The following ZSCAN5A variants were observed in gnomAD, a reference collection of about 807,000 sequenced individuals.
The protein encoded by ZSCAN5A is zinc finger and SCAN domain containing 5A, also known as zinc finger and SCAN domain-containing protein 5A.
Under a neutral mutation model 23.7 loss-of-function variants are expected in ZSCAN5A, and 12 were observed. That is an observed-to-expected ratio of 0.51 (90% confidence interval 0.32 to 0.82). The LOEUF is 0.82. Ranked by LOEUF, ZSCAN5A falls within the 40% of genes least tolerant of loss-of-function variation. The pLI, the probability that ZSCAN5A is intolerant of heterozygous loss-of-function variation, is 0.03. For synonymous variants in ZSCAN5A, 257 were observed against 239.9 expected (o/e 1.07, Z -0.66); for missense variants, 597 against 617.9 (o/e 0.97, Z 0.36).
intron 2 of ZSCAN5A, among the ~76,000 whole-genome samples, chr19:56,324,771 C>T (rs904499621): frequency 6.6e-6 from 1 of 152,116 alleles, no homozygotes; most frequent in Non-Finnish European, 1.5e-5. Flanking sequence ...TGAACATGGC[C>T]ACAAACAATG....
chr19:56,328,994 C>CAAAAAAAAAAAA (rs61646242), intron 2 of ZSCAN5A, among the ~76,000 whole-genome samples: 2 of 106,378 alleles, frequency 1.9e-5, no homozygotes, highest in East Asian at 2.4e-4. Flanking sequence ...GACTCCGTCT[C>CAAAAAAAAAAAA]AAAAAAAAAA....
At chr19:56,314,848 G>A (rs537113978), upstream of ZSCAN5A, 95 of 152,370 alleles carry the variant, frequency 6.2e-4, no homozygotes, top group Admixed American at 6.1e-3. Context: ...TTGGCTGCTA[G>A]GAGGCCTCGG....
chr19:56,322,068 TC>T (rs1159918885), intron 2 of ZSCAN5A: 19 of 768,800 alleles, frequency 2.5e-5, no homozygotes, highest in Admixed American at 1.0e-4. Flanking sequence ...CACAGCCACT[TC>T]CTCTTTCTTC....
intron 2 of ZSCAN5A, among the ~76,000 whole-genome samples, chr19:56,232,083 C>G (rs1371858102): frequency 2.7e-5 from 4 of 148,594 alleles, no homozygotes; most frequent in Admixed American, 6.8e-5. Flanking sequence ...AACTTCTCAG[C>G]CTTAAGTGAA....
intron 2 of ZSCAN5A, chr19:56,322,262 G>A: frequency 8.8e-7 from 1 of 1,132,662 alleles, no homozygotes; most frequent in East Asian, 2.4e-5. Context: ...AGTTGCAAGA[G>A]CACCTCCTTC....
chr19:56,259,558 G>GT (rs1176070898), intron 2 of ZSCAN5A, among the ~76,000 whole-genome samples: 1 of 152,210 alleles, frequency 6.6e-6, no homozygotes, highest in East Asian at 1.9e-4. Flanking sequence ...AGGTATGCTT[G>GT]TGGCGTGTGT....
intron 2 of ZSCAN5A, among the ~76,000 whole-genome samples, chr19:56,240,900 G>T (rs541548084): frequency 1.3e-5 from 2 of 152,230 alleles, no homozygotes; most frequent in South Asian, 4.2e-4. Flanking sequence ...GTAGAGATGG[G>T]GTCTCGGTAT....
chr19:56,326,615 T>C (rs1167593817), intron 2 of ZSCAN5A, among the ~76,000 whole-genome samples: 1 of 152,080 alleles, frequency 6.6e-6, no homozygotes. Flanking sequence ...TCACTTCCCA[T>C]AGTGTACCGC....
intron 2 of ZSCAN5A, among the ~76,000 whole-genome samples, chr19:56,327,656 A>G (rs1480372457): frequency 6.6e-6 from 1 of 151,470 alleles, no homozygotes; most frequent in Non-Finnish European, 1.5e-5. Context: ...CATATCTTAT[A>G]CTATCTAGGT....
intron 2 of ZSCAN5A, among the ~76,000 whole-genome samples, chr19:56,269,357 T>G (rs938033842): frequency 1.6e-4 from 25 of 152,210 alleles, no homozygotes; most frequent in African/African-American, 5.8e-4. Context: ...CTATCATTAA[T>G]AGGAGGAAAC....
At chr19:56,330,558 G>A (rs1257010379) in intron 2 of ZSCAN5A, among the ~76,000 whole-genome samples, 1 of 151,958 alleles carries the variant, frequency 6.6e-6, no homozygotes, top group East Asian at 1.9e-4. Flanking sequence ...TCATTATTGT[G>A]GTTTTGACTT....
intron 2 of ZSCAN5A, chr19:56,245,531 G>C (rs901730107): frequency 5.5e-6 from 2 of 362,598 alleles, no homozygotes; most frequent in Non-Finnish European, 1.0e-5. Context: ...GACAAGAACA[G>C]AGACATTCCC....
chr19:56,339,175 TA>T (rs1273880276), intron 2 of ZSCAN5A, among the ~76,000 whole-genome samples: 7 of 152,290 alleles, frequency 4.6e-5, no homozygotes, highest in Admixed American at 3.9e-4. Context: ...CTGTGGCAAC[TA>T]TTCAAGTCTT....
At chr19:56,259,223 A>T (rs191053475) in intron 2 of ZSCAN5A, among the ~76,000 whole-genome samples, 2,645 of 151,770 alleles carry the variant, frequency 0.017, 67 homozygotes, top group African/African-American at 0.054. Flanking sequence ...TTTTTTTTTT[A>T]AAATAGAGAT....
In ZSCAN5A at chr19:56,297,342, TTTTCC is replaced by T. The variant is rs761947987; in HGVS notation, c.-128+15936_-128+15940del. On this transcript the variant is annotated intron_variant, in intron 2 of 5. Coordinates refer to ENST00000683990, the MANE Select transcript of ZSCAN5A (RefSeq NM_001322064.3). ...ATAATTCACCTGATGGTTTCTTTTC[TTTTCC>T]TTTCTTTTCTCCTCCTCTTCCTCTT... Among the ~76,000 whole-genome samples, 282 of 152,132 alleles carry T rather than the reference TTTTCC, an allele frequency of 1.9e-3. 1 individual carries two copies. The highest frequency in any genetic ancestry group is 3.4e-3 in the Non-Finnish European group (232 of 68,000).
chr19:56,332,971 G>A (rs2041502845), intron 2 of ZSCAN5A, among the ~76,000 whole-genome samples: 1 of 152,202 alleles, frequency 6.6e-6, no homozygotes, highest in Admixed American at 6.5e-5. Flanking sequence ...CTTTCAGAAT[G>A]CTGAAAATAG....
intron 2 of ZSCAN5A, chr19:56,282,418 G>C (rs2038781545): frequency 8.8e-6 from 8 of 910,846 alleles, no homozygotes; most frequent in Non-Finnish European, 1.0e-5. Context: ...TATTCTCTCT[G>C]AACCTTCATT....
intron 2 of ZSCAN5A, chr19:56,243,964 C>G (rs1329888587): frequency 3.3e-6 from 2 of 603,252 alleles, no homozygotes. Context: ...CAAAGGAGGC[C>G]TGTCTAGATA....
chr19:56,244,119 T>G lies in ZSCAN5A; in HGVS notation c.-127-18946A>C. The stretch of plus-strand genomic sequence containing the variant: ...CCTGAGTCAGAGCCGCCACAGTCTG[T>G]GGCTTCCCCAGAAACTCAACTTGGA... On this transcript the variant is annotated intron_variant, in intron 2 of 5. Transcript: ENST00000683990. The G allele has an allele frequency of 3.8e-6, 6 of 1,559,836 alleles. No individual in the cohort carries two copies. In the South Asian group the frequency reaches 6.7e-5, roughly 17 times the overall value.
Sources: gnomAD v4.1 joint callset for allele counts (sites outside exome capture counted in the v4.1 genomes callset) on GRCh38, gnomAD v4.1.1 for gene constraint, MANE v1.5 for transcripts, NCBI Gene and HGNC (gene_info 2026-07-23, HGNC 2026-07-21) for gene names.